SH3PXD2A: variants seen among roughly 807,000 people sequenced by gnomAD.
SH3PXD2A encodes SH3 and PX domain-containing protein 2A.
SH3PXD2A carries 32 observed loss-of-function variants against 115.2 expected under a neutral mutation model. That is an observed-to-expected ratio of 0.28 (90% CI 0.21 to 0.37). The LOEUF (loss-of-function observed/expected upper bound fraction) is 0.37. Among genes scored for constraint, SH3PXD2A ranks in the 10% least tolerant of loss-of-function variants. The probability of loss-of-function intolerance (pLI) is 1.00; values close to 1 mark genes in which losing one functional copy is unlikely to be tolerated. For synonymous variants in SH3PXD2A, 610 were observed against 629.1 expected, an observed-to-expected ratio of 0.97 and a Z score of 0.45; for missense variants, 1,328 against 1,498.7, an observed-to-expected ratio of 0.89 and a Z score of 1.88.
At chr10:103,635,760 T>TGCA (rs58252954) in intron 8 of SH3PXD2A, among the ~76,000 whole-genome samples, 22,410 of 152,206 alleles carry the variant, frequency 0.15, 2,162 homozygotes, top group African/African-American at 0.25. Context: ...GCCATGTCTG[T>TGCA]GTGCCAGGGC....
rs3841699 is a variant in SH3PXD2A, at chr10:103,596,436, GA to G, written c.*5379del. The G allele has an allele frequency of 0.13, 19,143 of 151,014 alleles. 1,438 individuals carry two copies. The highest frequency in any genetic ancestry group is 0.28 in the East Asian group (1,456 of 5,138). The allele number at this position is 151,014 out of a possible 1,614,324, so 9.4% of individuals were successfully genotyped here. A position where few individuals can be genotyped will look rare whatever the true frequency, so the allele number is the denominator to read the frequency against. On this transcript the variant is annotated 3_prime_UTR_variant, in exon 15 of 15. Transcript: ENST00000369774. ...ATACTTAATAAAATAATTACAAAAA[GA>G]AAAAAAAATGACACATTGCACTCTC...
intron 6 of SH3PXD2A, among the ~76,000 whole-genome samples, chr10:103,681,492 G>A (rs1050683401): frequency 6.6e-6 from 1 of 152,252 alleles, no homozygotes; most frequent in African/African-American, 2.4e-5. Context: ...GATTGGCTGG[G>A]TGCAGTGGCT....
At chr10:103,695,973 T>G (rs2037820034) in intron 5 of SH3PXD2A, among the ~76,000 whole-genome samples, 1 of 151,968 alleles carries the variant, frequency 6.6e-6, no homozygotes, top group Non-Finnish European at 1.5e-5. Flanking sequence ...CCATAGTGAG[T>G]GGGTGAGACC....
At chr10:103,660,939 C>T (rs1196774366) in intron 8 of SH3PXD2A, 44 bp downstream of exon 8, 1 of 1,608,154 alleles carries the variant, frequency 6.2e-7, no homozygotes. Flanking sequence ...GGCCCGGGGG[C>T]CAGACCGGAA....
chr10:103,722,303 C>CA (rs34835878), intron 5 of SH3PXD2A, among the ~76,000 whole-genome samples: 17,186 of 91,132 alleles, frequency 0.19, 1,379 homozygotes, highest in Middle Eastern at 0.24. Context: ...GACTCTGTCT[C>CA]AAAAAAAAAA....
intron 9 of SH3PXD2A, among the ~76,000 whole-genome samples, chr10:103,624,979 C>G (rs2036669061): frequency 6.6e-6 from 1 of 152,200 alleles, no homozygotes; most frequent in African/African-American, 2.4e-5. Flanking sequence ...GCGCAGGAAC[C>G]TATTTTAGGA....
At chr10:103,834,375 A>G (rs1197603915) in intron 1 of SH3PXD2A, among the ~76,000 whole-genome samples, 3 of 152,266 alleles carry the variant, frequency 2.0e-5, no homozygotes, top group Non-Finnish European at 4.4e-5. Context: ...TGAAATGTCC[A>G]GAACAAGCCA....
At chr10:103,819,686 G>T (rs1351069959) in intron 1 of SH3PXD2A, among the ~76,000 whole-genome samples, 1 of 152,134 alleles carries the variant, frequency 6.6e-6, no homozygotes, top group Non-Finnish European at 1.5e-5. Flanking sequence ...AGGTGTCGGG[G>T]AGATCTAAGG....
intron 7 of SH3PXD2A, 67 bp downstream of exon 7, chr10:103,668,541 A>T: frequency 7.3e-7 from 1 of 1,372,550 alleles, no homozygotes; most frequent in Non-Finnish European, 1.0e-6. Context: ...GCCTGCAGGC[A>T]CCGGCTCCCG....
At chr10:103,769,189 C>T (rs568835332) in intron 2 of SH3PXD2A, among the ~76,000 whole-genome samples, 12 of 148,634 alleles carry the variant, frequency 8.1e-5, no homozygotes, top group South Asian at 4.2e-4. Context: ...TGTGCGCGCG[C>T]GCGCGCATTT....
chr10:103,696,839 C>T (rs2037831101), intron 5 of SH3PXD2A, among the ~76,000 whole-genome samples: 1 of 152,200 alleles, frequency 6.6e-6, no homozygotes, highest in African/African-American at 2.4e-5. Flanking sequence ...CAGTGACCCA[C>T]AGTCCCAGGA....
chr10:103,741,324 C>A (rs2038441648), intron 3 of SH3PXD2A, among the ~76,000 whole-genome samples: 1 of 152,242 alleles, frequency 6.6e-6, no homozygotes, highest in South Asian at 2.1e-4. Context: ...GCCTACTTAA[C>A]ACTCATTCTG....
intron 9 of SH3PXD2A, among the ~76,000 whole-genome samples, chr10:103,626,780 A>T (rs564767433): frequency 2.9e-4 from 44 of 151,340 alleles, no homozygotes; most frequent in African/African-American, 9.9e-4. Context: ...ATACAAAAAT[A>T]AAAAAAAATA....
chr10:103,638,461 G>T (rs892140223), intron 8 of SH3PXD2A, among the ~76,000 whole-genome samples: 7 of 152,234 alleles, frequency 4.6e-5, no homozygotes, highest in Non-Finnish European at 7.3e-5. Context: ...CATGGGTGAG[G>T]CACCCAGAAG....
chr10:103,810,952 G>GCGCGCACACACACA (rs549107444), intron 1 of SH3PXD2A, among the ~76,000 whole-genome samples: 217 of 19,942 alleles, frequency 0.011, 1 homozygote, highest in African/African-American at 0.021. Flanking sequence ...GCGCGCGCGC[G>GCGCGCACACACACA]CACACACACA....
At chr10:103,832,669 C>T (rs531760585) in intron 1 of SH3PXD2A, among the ~76,000 whole-genome samples, 4 of 152,238 alleles carry the variant, frequency 2.6e-5, no homozygotes, top group South Asian at 2.1e-4. Flanking sequence ...AACCAAACAT[C>T]GCATGTTCTT....
chr10:103,659,636 A>C (rs1031122762), intron 8 of SH3PXD2A, among the ~76,000 whole-genome samples: 1 of 152,228 alleles, frequency 6.6e-6, no homozygotes, highest in Non-Finnish European at 1.5e-5. Flanking sequence ...GAGGCCTCAC[A>C]GCAGGGACAT....
intron 7 of SH3PXD2A, among the ~76,000 whole-genome samples, chr10:103,662,341 C>CGGGGGGG (rs1196791691): frequency 1.5e-3 from 16 of 10,574 alleles, no homozygotes; most frequent in South Asian, 0.021. Context: ...CCATTATTGG[C>CGGGGGGG]GGGGGGGGGG....
At chr10:103,678,173 C>A (rs761855903) in intron 6 of SH3PXD2A, 10 of 1,288,530 alleles carry the variant, frequency 7.8e-6, no homozygotes, top group Middle Eastern at 2.1e-4. Flanking sequence ...CTGGGGGGAG[C>A]AGGGCTTGGT....
Sources: gnomAD v4.1 joint callset for allele counts (sites outside exome capture counted in the v4.1 genomes callset) on GRCh38, gnomAD v4.1.1 for gene constraint, MANE v1.5 for transcripts, NCBI Gene and HGNC (gene_info 2026-07-23, HGNC 2026-07-21) for gene names.